SLC7A9: variants seen among roughly 807,000 people sequenced by gnomAD.
SLC7A9 encodes B(0,+)-type amino acid transporter 1.
A neutral mutation model predicts 54.1 loss-of-function variants in SLC7A9; 38 were observed. That is an observed-to-expected ratio of 0.70 (90% CI 0.54 to 0.92). The LOEUF is 0.92. Among genes scored for constraint, SLC7A9 ranks in the 40% least tolerant of loss-of-function variants. The pLI is 0.00. For synonymous variants in SLC7A9, 264 were observed against 258.9 expected (o/e 1.02, Z -0.19); for missense variants, 537 against 636.1 (o/e 0.84, Z 1.68).
chr19:32,837,760 T>C (rs1052431054), intron 11 of SLC7A9, among the ~76,000 whole-genome samples: 2 of 152,170 alleles, frequency 1.3e-5, no homozygotes, highest in African/African-American at 4.8e-5. Flanking sequence ...CACGTGATTT[T>C]GATGTGTGTT....
At chr19:32,835,899 G>GT (rs1371304901) in intron 11 of SLC7A9, among the ~76,000 whole-genome samples, 2 of 123,116 alleles carry the variant, frequency 1.6e-5, no homozygotes, top group African/African-American at 6.6e-5. Flanking sequence ...CTGTGTGTGT[G>GT]TGTGTGTGTG....
rs942732235 is a variant in SLC7A9, at chr19:32,864,281, G to A, written c.293C>T (p.Pro98Leu). The stretch of plus-strand genomic sequence containing the variant: ...GGGCCCGTAGGCCTCCATCAGGTAG[G>A]GATACTCTCCCCCTGACTTGGTGAT... The part of the protein sequence containing the change: ...TMITKSGGEY[P>L]YLMEAYGPIP... Residue 98 changes from proline (P) to leucine (L), a missense_variant, in exon 4 of 13, where the codon CCC becomes CTC. Physicochemically the swap from Pro to Leu is moderately conservative, Grantham distance 98 (BLOSUM62 -3). Transcript: ENST00000023064. 6 of 1,614,068 alleles carry A rather than the reference G, an allele frequency of 3.7e-6. No homozygotes were observed. Among genetic ancestry groups the A allele is most frequent in the South Asian group, 1.1e-5 (1 of 91,078 alleles).
chr19:32,855,753 C>G (rs1175383839), intron 9 of SLC7A9, among the ~76,000 whole-genome samples: 1 of 152,018 alleles, frequency 6.6e-6, no homozygotes, highest in African/African-American at 2.4e-5. Flanking sequence ...TTGGCATTAT[C>G]AGTACTGCAC....
At chr19:32,846,770 A>G (rs1278938254) in intron 9 of SLC7A9, among the ~76,000 whole-genome samples, 1 of 152,008 alleles carries the variant, frequency 6.6e-6, no homozygotes, top group Non-Finnish European at 1.5e-5. Flanking sequence ...GCAACCCCCC[A>G]GTAGGGGCAG....
intron 11 of SLC7A9, among the ~76,000 whole-genome samples, chr19:32,838,805 ATATC>A (rs201786619): frequency 0.1 from 15,419 of 148,750 alleles, 989 homozygotes; most frequent in Middle Eastern, 0.16. Flanking sequence ...ATATACATAT[ATATC>A]TATTATACAC....
intron 4 of SLC7A9, 144 bp downstream of exon 4, chr19:32,863,952 G>T: frequency 1.5e-6 from 2 of 1,332,212 alleles, no homozygotes; most frequent in Non-Finnish European, 2.1e-6. Flanking sequence ...CCAGTGTGCA[G>T]CACCCACAGG....
intron 2 of SLC7A9, among the ~76,000 whole-genome samples, chr19:32,866,284 C>G (rs559529591): frequency 6.6e-6 from 1 of 152,264 alleles, no homozygotes; most frequent in African/African-American, 2.4e-5. Flanking sequence ...ATGGGCTCAG[C>G]TCTCCTCCTC....
Position 32,868,455 on chromosome 19 carries a change from TG to T in SLC7A9, c.79del (p.Gln27LysfsTer63). On this transcript the variant is annotated frameshift_variant, in exon 2 of 13. Transcript: ENST00000023064. LOFTEE classifies it high-confidence loss of function. ...QSQEPKTTSLQKELGLISGIS... is the reference protein window; with the variant it reads ...QSQEPKTTSLXKELGLISGIS... ...CACCAGAGACCGCCTTACCTCCTTT[TG>T]GAGACTGGTGGTCTTAGGCTCTTGG... 2 of 1,613,784 alleles carry T rather than the reference TG, an allele frequency of 1.2e-6. No individual in the cohort carries two copies. The highest frequency in any genetic ancestry group is 1.7e-6 in the Non-Finnish European group (2 of 1,179,730).
chr19:32,841,564 GA>G (rs909807096), intron 11 of SLC7A9, among the ~76,000 whole-genome samples: 4 of 149,896 alleles, frequency 2.7e-5, no homozygotes, highest in African/African-American at 7.3e-5. Context: ...TGTCTCCAAA[GA>G]AAAAAAAATG....
At chr19:32,860,983 G>A (rs572964075) in intron 6 of SLC7A9, among the ~76,000 whole-genome samples, 6 of 152,280 alleles carry the variant, frequency 3.9e-5, no homozygotes, top group African/African-American at 1.4e-4. Flanking sequence ...ATCTATAAAT[G>A]CTTTGCAGGA....
At chr19:32,844,029 G>C in intron 9 of SLC7A9, 78 bp from the exon 10 acceptor site, 6 of 1,135,742 alleles carry the variant, frequency 5.3e-6, no homozygotes, top group Non-Finnish European at 7.9e-6. Flanking sequence ...TTGTGCTCCG[G>C]GGTCCACCAA....
chr19:32,858,314 C>T, intron 9 of SLC7A9, 126 bp downstream of exon 9: 1 of 715,870 alleles, frequency 1.4e-6, no homozygotes, highest in Non-Finnish European at 2.5e-6. Flanking sequence ...ATTTGGGTCT[C>T]CTACTTGTAC....
At position 32,842,230 on chromosome 19, in the gene SLC7A9, G is replaced by C; in HGVS notation, c.1162C>G (p.Leu388Val). 1.2e-6 allele frequency: 2 copies of C among 1,614,076 alleles called. No individual in the cohort carries two copies. Among genetic ancestry groups the C allele is most frequent in the Non-Finnish European group, 1.7e-6 (2 of 1,179,998 alleles). The change falls in exon 11 of 13, where the codon CTG (leucine) becomes GTG (valine). Residue 388 changes from leucine to valine, a missense_variant. Coordinates refer to ENST00000023064, the MANE Select transcript of SLC7A9 (RefSeq NM_014270.5). ...FSFAAWLFYG[L>V]TILGLIVMRF... ...ATCACGATGAGTCCTAGAATCGTCAGGCCATAAAACAGCCATGCGGCAAAG... is the reference window on the plus strand; with the variant it reads ...ATCACGATGAGTCCTAGAATCGTCACGCCATAAAACAGCCATGCGGCAAAG...
intron 9 of SLC7A9, among the ~76,000 whole-genome samples, chr19:32,846,571 T>A (rs1477676116): frequency 1.3e-5 from 2 of 152,226 alleles, no homozygotes; most frequent in Non-Finnish European, 1.5e-5. Context: ...TGCCTGCCTC[T>A]GTAGGCTCCA....
At chr19:32,853,955 T>C (rs947837865) in intron 9 of SLC7A9, among the ~76,000 whole-genome samples, 7 of 149,406 alleles carry the variant, frequency 4.7e-5, no homozygotes, top group African/African-American at 1.7e-4. Context: ...ACAAAAAAGT[T>C]GTTAAAACAA....
chr19:32,853,191 G>A (rs896167855), intron 9 of SLC7A9, among the ~76,000 whole-genome samples: 4 of 152,158 alleles, frequency 2.6e-5, no homozygotes, highest in African/African-American at 9.7e-5. Context: ...GATTACAGGC[G>A]TGAGCCACCA....
At chr19:32,860,919 G>A (rs542618537) in intron 6 of SLC7A9, among the ~76,000 whole-genome samples, 18 of 152,320 alleles carry the variant, frequency 1.2e-4, no homozygotes, top group African/African-American at 4.3e-4. Flanking sequence ...GGAGTAGTGA[G>A]TCCCCAGGGT....
chr19:32,868,413 C>G, intron 2 of SLC7A9, 35 bp downstream of exon 2: 1 of 1,570,112 alleles, frequency 6.4e-7, no homozygotes, highest in Non-Finnish European at 8.8e-7. Flanking sequence ...CTTGCCTAAC[C>G]TGCAAAGGGC....
intron 4 of SLC7A9, chr19:32,862,887 C>T (rs1038615930): frequency 2.0e-5 from 4 of 200,458 alleles, no homozygotes; most frequent in South Asian, 1.8e-4. Context: ...AGCGGGGGAG[C>T]GCAGCTACTC....
Sources: allele counts gnomAD v4.1 joint callset (sites outside exome capture counted in the v4.1 genomes callset), GRCh38; gene constraint gnomAD v4.1.1; transcripts MANE v1.5; gene names NCBI Gene and HGNC (gene_info 2026-07-23, HGNC 2026-07-21).